SELENON: variants seen among roughly 807,000 people sequenced by gnomAD.
SELENON encodes the protein selenoprotein N, 1.
SELENON carries 44 observed loss-of-function variants against 59.5 expected under a neutral mutation model. The ratio of observed to expected loss-of-function variants is 0.74; its 90% CI spans 0.58 to 0.95. SELENON has a LOEUF of 0.95. SELENON is among the 40% of genes least tolerant of loss of function. SELENON has a pLI of 0.00. For missense variants in SELENON, 674 were observed against 721.4 expected, an observed-to-expected ratio of 0.93 and a Z score of 0.75; for synonymous variants, 320 against 305.6, an observed-to-expected ratio of 1.05 and a Z score of -0.49.
At chr1:25,806,684 G>A (rs915009415) in intron 4 of SELENON, among the ~76,000 whole-genome samples, 2 of 152,176 alleles carry the variant, frequency 1.3e-5, no homozygotes, top group African/African-American at 4.8e-5. Flanking sequence ...CCCAGCAGCA[G>A]CCCCTTGGCA....
Position 25,812,802 on chromosome 1 carries a change from C to T in SELENON, c.1387+10C>T. On this transcript the variant is annotated intron_variant, in intron 10 of 12. Coordinates refer to ENST00000361547, the MANE Select transcript of SELENON (RefSeq NM_020451.3). ...GACCAGTCCTGCTGAGGTGAGGGGC[C>T]CGGCTGGATCTAAGGGGAGCAGTGG... 3.1e-6 allele frequency: 5 copies of T among 1,599,292 alleles called. No individual in the cohort carries two copies. Among genetic ancestry groups the T allele is most frequent in the Non-Finnish European group, 4.3e-6 (5 of 1,168,714 alleles).
At chr1:25,803,075 T>C (rs1276636424) in intron 3 of SELENON, among the ~76,000 whole-genome samples, 1 of 152,184 alleles carries the variant, frequency 6.6e-6, no homozygotes, top group Non-Finnish European at 1.5e-5. Context: ...AGTGGATGTG[T>C]ATCAATGTCT....
chr1:25,801,216 A>G, intron 2 of SELENON, 56 bp downstream of exon 2: 3 of 1,368,868 alleles, frequency 2.2e-6, no homozygotes, highest in Non-Finnish European at 3.1e-6. Flanking sequence ...CGGTGTCTTC[A>G]CTGAGCAGGA....
At chr1:25,800,744 C>CACAGGAGAGGACAGAAGGT in intron 1 of SELENON, among the ~76,000 whole-genome samples, 1 of 151,664 alleles carries the variant, frequency 6.6e-6, no homozygotes, top group Non-Finnish European at 1.5e-5. Context: ...GAGGAGGGGA[C>CACAGGAGAGGACAGAAGGT]ACAGGAGAGG....
rs2048010207 is a variant in SELENON, at chr1:25,816,292, G to A, written c.*574G>A. 1 of 153,412 alleles carries A rather than the reference G, an allele frequency of 6.5e-6. No homozygotes were observed. Among genetic ancestry groups the A allele is most frequent in the South Asian group, 2.0e-4 (1 of 4,902 alleles). The allele number at this position is 153,412 out of a possible 1,614,324, so 9.5% of individuals were successfully genotyped here. ...GGAGCCAGTCTTCTGGAGCCTCTGG[G>A]CAGAACCCTCCATCAGAGTGGAAAT... On this transcript the variant is annotated 3_prime_UTR_variant, in exon 13 of 13. Transcript: ENST00000361547.
At chr1:25,801,844 CCA>C (rs1469680580) in intron 2 of SELENON, among the ~76,000 whole-genome samples, 1 of 152,190 alleles carries the variant, frequency 6.6e-6, no homozygotes, top group Non-Finnish European at 1.5e-5. Flanking sequence ...GGCAGGCTCC[CCA>C]GTTTCCCAAG....
intron 1 of SELENON, among the ~76,000 whole-genome samples, chr1:25,800,780 C>T (rs535651262): frequency 8.6e-5 from 13 of 151,706 alleles, no homozygotes; most frequent in Middle Eastern, 6.8e-3. Flanking sequence ...GGAACAGGGC[C>T]AAGCAGCCAG....
chr1:25,809,248 T>C, intron 6 of SELENON, 98 bp downstream of exon 5: 1 of 1,559,148 alleles, frequency 6.4e-7, no homozygotes, highest in East Asian at 2.3e-5. Flanking sequence ...GCTCCACCTC[T>C]CCTCCCACTG....
Position 25,811,798 on chromosome 1 carries a change from T to A in SELENON, c.1200T>A (p.Phe400Leu), listed in dbSNP as rs2047962767. ...CAGGGGAGCCCCTGCAGTTTGTGTT[T>A]GAGGAGATCAAGTGGCAGCAGGAGC... The change falls in exon 9 of 13, where the codon TTT becomes TTA. Residue 400 changes from phenylalanine to leucine, a missense_variant. Physicochemically the swap from Phe to Leu is conservative, Grantham distance 22. Transcript: ENST00000361547. 6.3e-7 allele frequency: 1 copy of A among 1,588,808 alleles called. No homozygotes were observed. Among genetic ancestry groups the A allele is most frequent in the East Asian group, 2.3e-5 (1 of 43,938 alleles).
At position 25,807,647 on chromosome 1, in the gene SELENON, G is replaced by A. The variant is rs960218371; in HGVS notation, c.538-933G>A. Among the ~76,000 whole-genome samples, 3 of 152,126 alleles carry A rather than the reference G, an allele frequency of 2.0e-5. No individual in the cohort carries two copies. The highest frequency in any genetic ancestry group is 7.2e-5 in the African/African-American group (3 of 41,426). On this transcript the variant is annotated intron_variant, in intron 4 of 12. Coordinates refer to ENST00000361547, the MANE Select transcript of SELENON (RefSeq NM_020451.3). This position sits in a 1 kb window ranked among gnomAD's most constrained non-coding sequence, Gnocchi z 4.5. ...AAGCAGGACCCAGGAAGGCGGGCTCGGCCTGGCCCGGCACAGCCAGCTCTG... is the reference window on the plus strand; with the variant it reads ...AAGCAGGACCCAGGAAGGCGGGCTCAGCCTGGCCCGGCACAGCCAGCTCTG...
At chr1:25,804,655 CCCG>C (rs1557427774) in intron 3 of SELENON, among the ~76,000 whole-genome samples, 1 of 81,910 alleles carries the variant, frequency 1.2e-5, no homozygotes, top group Non-Finnish European at 2.4e-5. Context: ...CCCCCCCCCC[CCCG>C]CCGCAAAAAA....
chr1:25,815,027 C>G (rs1337302800), intron 12 of SELENON, among the ~76,000 whole-genome samples: 1 of 151,862 alleles, frequency 6.6e-6, no homozygotes, highest in Non-Finnish European at 1.5e-5. Context: ...GTTGGGAGAA[C>G]CAGGCCTCCC....
intron 7 of SELENON, 36 bp downstream of exon 6, chr1:25,809,856 C>T (rs775159400): frequency 1.4e-5 from 23 of 1,609,612 alleles, no homozygotes; most frequent in South Asian, 1.2e-4. Flanking sequence ...TTGGCTCCCT[C>T]CTACAGCTTG....
At chr1:25,814,276 G>C (rs2047992233) in intron 12 of SELENON, 98 bp downstream of exon 11, 1 of 895,870 alleles carries the variant, frequency 1.1e-6, no homozygotes, top group African/African-American at 1.6e-5. Context: ...TCAGGCTTCG[G>C]GACTGTCCCT....
intron 4 of SELENON, among the ~76,000 whole-genome samples, chr1:25,806,482 G>A (rs1015541649): frequency 3.9e-5 from 6 of 152,160 alleles, no homozygotes; most frequent in African/African-American, 1.4e-4. Context: ...GGGAAGGAAG[G>A]GCAGGGAGCG....
intron 3 of SELENON, 97 bp from the exon 3 acceptor site, chr1:25,805,045 T>G: frequency 6.5e-7 from 1 of 1,547,616 alleles, no homozygotes; most frequent in South Asian, 1.1e-5. Context: ...CCCCACCCCC[T>G]GCCTGGCTCC....
At chr1:25,808,084 C>T (rs2047923089) in intron 4 of SELENON, among the ~76,000 whole-genome samples, 1 of 152,236 alleles carries the variant, frequency 6.6e-6, no homozygotes, top group African/African-American at 2.4e-5. Context: ...CTGAGCTGGC[C>T]AGTGGGACAT....
At chr1:25,805,986 TC>T (rs1207793968) in intron 4 of SELENON, among the ~76,000 whole-genome samples, 1 of 152,206 alleles carries the variant, frequency 6.6e-6, no homozygotes, top group Non-Finnish European at 1.5e-5. Flanking sequence ...ACACCAGACT[TC>T]CTTCCTTCCA....
intron 6 of SELENON, 133 bp from the exon 6 acceptor site, chr1:25,809,550 C>A: frequency 1.6e-6 from 2 of 1,285,202 alleles, no homozygotes; most frequent in Non-Finnish European, 2.2e-6. Context: ...TGGAGAGCCT[C>A]GCTGCTGCCC....
Sources: allele counts gnomAD v4.1 joint callset (sites outside exome capture counted in the v4.1 genomes callset), GRCh38; gene constraint gnomAD v4.1.1; non-coding constraint Gnocchi (gnomAD v3.1); transcripts MANE v1.5; gene names NCBI Gene and HGNC (gene_info 2026-07-23, HGNC 2026-07-21).